B4GALT5: variants seen among roughly 807,000 people sequenced by gnomAD.
B4GALT5 encodes UDP-Gal:beta-GlcNAc beta-1,4-galactosyltransferase 5.
B4GALT5 carries 11 observed loss-of-function variants against 45.0 expected under a neutral mutation model. The observed-to-expected ratio is 0.24, with a 90% CI of 0.15 to 0.40. The LOEUF (loss-of-function observed/expected upper bound fraction) is 0.40, where lower values mean the gene tolerates loss of function less well. Among genes scored for constraint, B4GALT5 ranks in the 10% least tolerant of loss-of-function variants. The pLI is 1.00. For missense variants in B4GALT5, 337 were observed against 500.2 expected (o/e 0.67, Z 3.11); for synonymous variants, 185 against 182.9 (o/e 1.01, Z -0.09).
intron 1 of B4GALT5, among the ~76,000 whole-genome samples, chr20:49,669,527 T>C (rs560547001): frequency 1.8e-4 from 27 of 151,772 alleles, no homozygotes; most frequent in Non-Finnish European, 3.2e-4. Flanking sequence ...AGAAACACCG[T>C]CTCTACTAAA....
chr20:49,677,673 A>G (rs1309586160), intron 1 of B4GALT5, among the ~76,000 whole-genome samples: 4 of 152,220 alleles, frequency 2.6e-5, no homozygotes, highest in Non-Finnish European at 4.4e-5. Context: ...AACACAATAT[A>G]AAATAAGGAT....
At chr20:49,664,004 T>C (rs946865380) in intron 1 of B4GALT5, among the ~76,000 whole-genome samples, 4 of 152,072 alleles carry the variant, frequency 2.6e-5, no homozygotes, top group Non-Finnish European at 4.4e-5. Flanking sequence ...ACATATTCAA[T>C]GCACCACCCC....
At chr20:49,656,125 T>C (rs1377113310) in intron 2 of B4GALT5, among the ~76,000 whole-genome samples, 1 of 152,068 alleles carries the variant, frequency 6.6e-6, no homozygotes, top group Non-Finnish European at 1.5e-5. Flanking sequence ...TTCTCCTCTA[T>C]TAGCTCCCAC....
At chr20:49,665,938 G>A (rs867784008) in intron 1 of B4GALT5, among the ~76,000 whole-genome samples, 1 of 152,038 alleles carries the variant, frequency 6.6e-6, no homozygotes, top group African/African-American at 2.4e-5. Flanking sequence ...AACATGAGAC[G>A]GGAGGCTAGA....
rs534548708 is a variant in B4GALT5 at position 49,677,814 on chromosome 20, C to T, written c.116-21112G>A. ...TGGCTGGAGTGCAATGGTGCAATCT[C>T]GGCTCACTGCCATCTCCGCCTCCCA... On this transcript the variant is annotated intron_variant, in intron 1 of 8. Transcript: ENST00000371711. 4.5e-4 allele frequency among the ~76,000 whole-genome samples: 69 copies of T among 152,308 alleles called. No homozygotes were observed. In the South Asian group the frequency reaches 4.6e-3, roughly 10 times the overall value.
chr20:49,711,730 G>A (rs1450092997), intron 1 of B4GALT5, among the ~76,000 whole-genome samples: 1 of 152,122 alleles, frequency 6.6e-6, no homozygotes, highest in Non-Finnish European at 1.5e-5. Context: ...AACACTTTTC[G>A]TGATGACACT....
At chr20:49,643,275 T>TCC (rs2085584513) in intron 4 of B4GALT5, among the ~76,000 whole-genome samples, 1 of 152,172 alleles carries the variant, frequency 6.6e-6, no homozygotes, top group African/African-American at 2.4e-5. Context: ...AACGCCCTCA[T>TCC]CCCCTTGCTT....
At chr20:49,662,108 C>T (rs1416870198) in intron 1 of B4GALT5, among the ~76,000 whole-genome samples, 1 of 152,200 alleles carries the variant, frequency 6.6e-6, no homozygotes, top group Non-Finnish European at 1.5e-5. Flanking sequence ...CTGATTCTAA[C>T]AGGAAAACCT....
chr20:49,646,846 C>A, intron 3 of B4GALT5, 119 bp downstream of exon 3: 1 of 619,960 alleles, frequency 1.6e-6, no homozygotes, highest in Non-Finnish European at 2.7e-6. Context: ...TTTCACAAAC[C>A]CTGTTTCCAA....
In B4GALT5 at chr20:49,689,426, T is replaced by C. The variant is rs187401075; in HGVS notation, c.115+24150A>G. On this transcript the variant is annotated intron_variant, in intron 1 of 8. Transcript: ENST00000371711. ...GAACTACAATTTCACAGATACAAAT[T>C]TGTAACATCTTTTTTGATATCTAAT... Among the ~76,000 whole-genome samples, 68 of 152,150 alleles carry C rather than the reference T, an allele frequency of 4.5e-4. 1 individual carries two copies. Among genetic ancestry groups the C allele is most frequent in the African/African-American group, 1.5e-3 (63 of 41,420 alleles).
chr20:49,684,088 C>T (rs1441568019), intron 1 of B4GALT5, among the ~76,000 whole-genome samples: 1 of 151,864 alleles, frequency 6.6e-6, no homozygotes, highest in Non-Finnish European at 1.5e-5. Flanking sequence ...CTGCAGTGAG[C>T]TGAGATCACA....
intron 2 of B4GALT5, among the ~76,000 whole-genome samples, chr20:49,654,772 T>C (rs1173069003): frequency 6.6e-6 from 1 of 152,094 alleles, no homozygotes; most frequent in Non-Finnish European, 1.5e-5. Context: ...TTTTTTTAAA[T>C]GTAAGTATTT....
In B4GALT5 at chr20:49,643,795, T is replaced by C. The variant is rs112165746; in HGVS notation, c.365-145A>G. 796 of 797,576 alleles carry C rather than the reference T, an allele frequency of 1.0e-3. 3 individuals are homozygous for C. The African/African-American group carries it at 0.013, about 13-fold the overall frequency. 49.4% of individuals were successfully genotyped at this position (797,576 alleles called of 1,614,324 possible). ...TGGAAGTCCCTTCCTCTGCTTTCCA[T>C]CTCACCGTATTTCAGTTCCTCACTA... On this transcript the variant is annotated intron_variant, in intron 3 of 8. Coordinates refer to ENST00000371711, the MANE Select transcript of B4GALT5 (RefSeq NM_004776.4).
At position 49,639,457 on chromosome 20, in the gene B4GALT5, G is replaced by A. The variant is rs1199853115; in HGVS notation, c.917+221C>T. 2.0e-5 allele frequency among the ~76,000 whole-genome samples: 3 copies of A among 152,128 alleles called. No individual in the cohort carries two copies. The East Asian group carries it at 5.8e-4, about 29-fold the overall frequency. Reference sequence around the variant, plus strand: ...CAGCTCTCTGTGGCCTCGAACTCCCGGGCTCAAGTGATCCTCCCACCTCGG... The same window carrying A: ...CAGCTCTCTGTGGCCTCGAACTCCCAGGCTCAAGTGATCCTCCCACCTCGG... On this transcript the variant is annotated intron_variant, in intron 7 of 8. Coordinates refer to ENST00000371711, the MANE Select transcript of B4GALT5 (RefSeq NM_004776.4).
chr20:49,708,947 A>ATT (rs2085896389), intron 1 of B4GALT5, among the ~76,000 whole-genome samples: 1 of 151,420 alleles, frequency 6.6e-6, no homozygotes, highest in Non-Finnish European at 1.5e-5. Flanking sequence ...AAAAAAAAAA[A>ATT]AGTCATCAAT....
intron 1 of B4GALT5, chr20:49,684,565 GAA>G (rs11477014): frequency 1.9e-6 from 1 of 517,590 alleles, no homozygotes; most frequent in East Asian, 5.5e-5. Flanking sequence ...TCCTCAAGAA[GAA>G]AAAAAAGTTG....
chr20:49,703,366 T>C (rs1301840462), intron 1 of B4GALT5, among the ~76,000 whole-genome samples: 1 of 152,122 alleles, frequency 6.6e-6, no homozygotes, highest in African/African-American at 2.4e-5. Context: ...AATTAATTCC[T>C]TTCCCCAAAG....
intron 2 of B4GALT5, among the ~76,000 whole-genome samples, chr20:49,650,678 G>A (rs564310703): frequency 7.8e-4 from 119 of 152,168 alleles, no homozygotes; most frequent in Non-Finnish European, 1.2e-3. Context: ...AGTAGCAATA[G>A]AGGCCTTTTA....
At chr20:49,688,647 T>C (rs2085796801) in intron 1 of B4GALT5, among the ~76,000 whole-genome samples, 1 of 152,008 alleles carries the variant, frequency 6.6e-6, no homozygotes, top group Non-Finnish European at 1.5e-5. Flanking sequence ...TAGGACAAAA[T>C]GAGTGTCAAG....
Sources: allele counts gnomAD v4.1 joint callset (sites outside exome capture counted in the v4.1 genomes callset), GRCh38; gene constraint gnomAD v4.1.1; transcripts MANE v1.5; gene names NCBI Gene and HGNC (gene_info 2026-07-23, HGNC 2026-07-21).